The following ANKS1B variants were observed in gnomAD, a reference collection of about 807,000 sequenced individuals.
ANKS1B encodes the protein ankyrin repeat and sterile alpha motif domain-containing protein 1B.
Under a neutral mutation model 148.3 loss-of-function variants are expected in ANKS1B, and 36 were observed. The observed-to-expected ratio is 0.24, with a 90% CI of 0.19 to 0.32. The LOEUF (loss-of-function observed/expected upper bound fraction) is 0.32, where lower values mean the gene tolerates loss of function less well. ANKS1B is among the 10% of genes least tolerant of loss of function. ANKS1B has a pLI of 1.00. For synonymous variants in ANKS1B, 542 were observed against 560.8 expected (o/e 0.97, Z 0.47); for missense variants, 1,157 against 1,542.6 (o/e 0.75, Z 4.19).
intron 10 of ANKS1B, among the ~76,000 whole-genome samples, chr12:99,456,493 G>C (rs2095848774): frequency 6.6e-6 from 1 of 152,112 alleles, no homozygotes; most frequent in Non-Finnish European, 1.5e-5. Context: ...ACCAGAGGAA[G>C]GTTAAGTGCA....
intron 12 of ANKS1B, among the ~76,000 whole-genome samples, chr12:99,372,080 C>A (rs1208800648): frequency 1.3e-5 from 2 of 152,092 alleles, no homozygotes; most frequent in East Asian, 1.9e-4. Context: ...TTTGTGTAAA[C>A]CCATAGAATG....
intron 17 of ANKS1B, among the ~76,000 whole-genome samples, chr12:98,868,611 C>T (rs180946149): frequency 6.6e-6 from 1 of 152,286 alleles, no homozygotes; most frequent in East Asian, 1.9e-4. Flanking sequence ...CAAACTTCCC[C>T]GAATGTGTTG....
intron 12 of ANKS1B, among the ~76,000 whole-genome samples, chr12:99,312,550 T>C (rs998678894): frequency 5.9e-5 from 9 of 152,154 alleles, no homozygotes; most frequent in African/African-American, 1.9e-4. Context: ...AGACCAAGTA[T>C]ATATTCCTAA....
At chr12:99,216,017 AG>A (rs2084114812) in intron 14 of ANKS1B, among the ~76,000 whole-genome samples, 1 of 152,110 alleles carries the variant, frequency 6.6e-6, no homozygotes, top group Non-Finnish European at 1.5e-5. Flanking sequence ...AGGGCCCTGG[AG>A]GGAGGTAATT....
intron 14 of ANKS1B, among the ~76,000 whole-genome samples, chr12:99,173,044 T>A (rs558126865): frequency 2.0e-5 from 3 of 152,308 alleles, no homozygotes; most frequent in Non-Finnish European, 4.4e-5. Context: ...CCATGAAATC[T>A]GTGATTTTGA....
intron 14 of ANKS1B, among the ~76,000 whole-genome samples, chr12:99,216,960 T>G (rs2084300859): frequency 6.6e-6 from 1 of 152,128 alleles, no homozygotes; most frequent in Non-Finnish European, 1.5e-5. Context: ...GTCTATTGTC[T>G]GAAATATGGA....
In ANKS1B at chr12:98,758,139, T is replaced by C. The variant is rs576540498; in HGVS notation, c.3580-6617A>G. On this transcript the variant is annotated intron_variant, in intron 25 of 26. Coordinates refer to ENST00000683438, the MANE Select transcript of ANKS1B (RefSeq NM_001352186.2). ...CGGCTAGCATTTATTATTTACTATG[T>C]GGCCATGCACCATGCTAAGTGCTTC... Among the ~76,000 whole-genome samples, 8 of 152,314 alleles carry C rather than the reference T, an allele frequency of 5.3e-5. No homozygotes were observed. In the South Asian group the frequency reaches 1.7e-3, roughly 32 times the overall value.
intron 17 of ANKS1B, among the ~76,000 whole-genome samples, chr12:98,999,969 C>T (rs1003893098): frequency 3.3e-5 from 5 of 152,074 alleles, no homozygotes; most frequent in African/African-American, 1.2e-4. Context: ...TGATCTCTTC[C>T]TAACTCTTTA....
intron 15 of ANKS1B, among the ~76,000 whole-genome samples, chr12:99,107,046 C>T (rs551096582): frequency 5.0e-4 from 76 of 151,646 alleles, no homozygotes; most frequent in Non-Finnish European, 9.6e-4. Flanking sequence ...GGATGAATGA[C>T]GGATGCTGCA....
intron 9 of ANKS1B, among the ~76,000 whole-genome samples, chr12:99,627,509 A>C (rs2098121697): frequency 6.6e-6 from 1 of 152,202 alleles, no homozygotes; most frequent in Admixed American, 6.5e-5. Flanking sequence ...ATTGTTAATA[A>C]GTGATACAGT....
chr12:98,775,231 A>G (rs1005416858), intron 24 of ANKS1B, among the ~76,000 whole-genome samples: 1 of 152,120 alleles, frequency 6.6e-6, no homozygotes, highest in Non-Finnish European at 1.5e-5. Flanking sequence ...AGGTAGATGC[A>G]CTTCTTGGGA....
intron 8 of ANKS1B, among the ~76,000 whole-genome samples, chr12:99,733,143 C>T (rs1458406882): frequency 6.6e-6 from 1 of 152,078 alleles, no homozygotes; most frequent in African/African-American, 2.4e-5. Flanking sequence ...CTTTCCACTC[C>T]CACTGCCTTT....
chr12:99,587,878 T>C (rs573266326), intron 9 of ANKS1B, among the ~76,000 whole-genome samples: 1 of 152,130 alleles, frequency 6.6e-6, no homozygotes, highest in South Asian at 2.1e-4. Context: ...CATGGAGGGA[T>C]TGAAAGGATA....
intron 9 of ANKS1B, among the ~76,000 whole-genome samples, chr12:99,572,048 T>C (rs968904371): frequency 1.3e-5 from 2 of 152,076 alleles, no homozygotes; most frequent in African/African-American, 4.8e-5. Flanking sequence ...GGATGAGATG[T>C]GATAACGATC....
At chr12:99,138,616 T>C (rs759419091) in intron 15 of ANKS1B, among the ~76,000 whole-genome samples, 2 of 152,182 alleles carry the variant, frequency 1.3e-5, no homozygotes, top group African/African-American at 2.4e-5. Flanking sequence ...ATATGGTGCA[T>C]GTATAGTGTC....
chr12:99,648,733 C>G (rs2098397984), intron 9 of ANKS1B: 1 of 1,613,814 alleles, frequency 6.2e-7, no homozygotes, highest in African/African-American at 1.3e-5. Flanking sequence ...CAGGGCTATC[C>G]TAGCTGGGAA....
At chr12:99,876,245 G>C (rs544542560) in intron 1 of ANKS1B, among the ~76,000 whole-genome samples, 40 of 152,286 alleles carry the variant, frequency 2.6e-4, no homozygotes, top group Non-Finnish European at 5.7e-4. Flanking sequence ...TCCTGGAAGA[G>C]AGATAAGTAT....
At chr12:99,680,488 G>A (rs1401409810) in intron 8 of ANKS1B, among the ~76,000 whole-genome samples, 1 of 152,088 alleles carries the variant, frequency 6.6e-6, no homozygotes, top group Non-Finnish European at 1.5e-5. Context: ...GGCAGTCTCA[G>A]GGGAGCCATT....
chr12:99,672,400 G>T (rs766707153), intron 8 of ANKS1B, among the ~76,000 whole-genome samples: 1 of 151,908 alleles, frequency 6.6e-6, no homozygotes, highest in Non-Finnish European at 1.5e-5. Context: ...TCAAATACAC[G>T]TAACTCTGAC....
Sources: allele counts gnomAD v4.1 joint callset (sites outside exome capture counted in the v4.1 genomes callset), GRCh38; gene constraint gnomAD v4.1.1; transcripts MANE v1.5; gene names NCBI Gene and HGNC (gene_info 2026-07-23, HGNC 2026-07-21).